Variants in RHOT1 observed in about 807,000 individuals in gnomAD.
RHOT1 encodes mitochondrial Rho GTPase 1.
In RHOT1, 27 loss-of-function variants were observed where a neutral mutation model predicts 95.3. That is an observed-to-expected ratio of 0.28 (90% CI 0.21 to 0.39). RHOT1 has a LOEUF of 0.39. Ranked by LOEUF, RHOT1 falls within the 10% of genes least tolerant of loss-of-function variation. The probability of loss-of-function intolerance (pLI) is 1.00; values close to 1 mark genes in which losing one functional copy is unlikely to be tolerated. For missense variants in RHOT1, 578 were observed against 786.7 expected, an observed-to-expected ratio of 0.73 and a Z score of 3.17; for synonymous variants, 227 against 263.5, an observed-to-expected ratio of 0.86 and a Z score of 1.34.
At position 32,158,562 on chromosome 17, in the gene RHOT1, C is replaced by T. The variant is rs1404082816; in HGVS notation, c.38-12481C>T. ...GCAACACCTGCCTCCCGCTTTCAAA[C>T]GATTCTCCTGCCGCAGCCTCCCTAG... On this transcript the variant is annotated intron_variant, in intron 1 of 19. Transcript: ENST00000545287. 5.3e-5 allele frequency among the ~76,000 whole-genome samples: 8 copies of T among 151,982 alleles called. No homozygotes were observed. In the South Asian group the frequency reaches 6.3e-4, roughly 12 times the overall value.
chr17:32,221,370 C>CAAAAAAA (rs397805349), intron 19 of RHOT1, among the ~76,000 whole-genome samples: 1 of 67,998 alleles, frequency 1.5e-5, no homozygotes, highest in Admixed American at 1.7e-4. Context: ...TCGTCTGTCT[C>CAAAAAAA]AAAAAAAAAA....
intron 19 of RHOT1, chr17:32,222,960 A>C: frequency 1.2e-6 from 1 of 834,482 alleles, no homozygotes; most frequent in Non-Finnish European, 1.4e-6. Flanking sequence ...AAACCTAAGC[A>C]TTTTCTTCTC....
chr17:32,150,291 A>AT (rs958701692), intron 1 of RHOT1: 25 of 239,834 alleles, frequency 1.0e-4, no homozygotes, highest in East Asian at 1.6e-4. Flanking sequence ...AAGATGTGCT[A>AT]TTTTTTTTCC....
At chr17:32,192,332 CTTTTTTTTTT>C (rs397857197) in intron 9 of RHOT1, 33 bp downstream of exon 9, 10 of 542,656 alleles carry the variant, frequency 1.8e-5, no homozygotes, top group East Asian at 1.1e-4. Context: ...ATTTGCGTAT[CTTTTTTTTTT>C]TTTTTTTTTT....
chr17:32,157,431 TC>T (rs546981216), intron 1 of RHOT1, among the ~76,000 whole-genome samples: 139 of 152,342 alleles, frequency 9.1e-4, no homozygotes, highest in Non-Finnish European at 1.8e-3. Flanking sequence ...AAATGTGACA[TC>T]AAGGAGGTTT....
chr17:32,183,349 A>G (rs2035787327), intron 8 of RHOT1, 77 bp downstream of exon 8: 2 of 776,248 alleles, frequency 2.6e-6, no homozygotes, highest in Non-Finnish European at 3.8e-6. Flanking sequence ...GTAACTCTTA[A>G]GTATTTGTGT....
At chr17:32,199,622 C>G (rs1298098694) in intron 13 of RHOT1, 72 bp downstream of exon 13, 3 of 1,303,362 alleles carry the variant, frequency 2.3e-6, no homozygotes, top group Non-Finnish European at 3.1e-6. Context: ...ACATTTGTCA[C>G]TTTGTAAGCT....
At chr17:32,223,245 A>C (rs2038938773) in intron 19 of RHOT1, among the ~76,000 whole-genome samples, 1 of 152,110 alleles carries the variant, frequency 6.6e-6, no homozygotes, top group Admixed American at 6.6e-5. Context: ...TTACTGAGGC[A>C]AAGTAGTTTT....
At chr17:32,165,895 T>C (rs1242440986) in intron 1 of RHOT1, among the ~76,000 whole-genome samples, 1 of 152,018 alleles carries the variant, frequency 6.6e-6, no homozygotes, top group African/African-American at 2.4e-5. Flanking sequence ...ATAAAAGTTA[T>C]GTTTATAGGC....
intron 8 of RHOT1, among the ~76,000 whole-genome samples, chr17:32,186,550 A>T (rs777002855): frequency 2.6e-5 from 4 of 151,966 alleles, no homozygotes; most frequent in Non-Finnish European, 5.9e-5. Flanking sequence ...TATTTTTAGT[A>T]GAGACGGGGT....
intron 19 of RHOT1, chr17:32,221,094 G>A (rs545137659): frequency 2.0e-5 from 20 of 977,384 alleles, no homozygotes; most frequent in South Asian, 1.4e-4. Context: ...GCGGCCAGGC[G>A]TGGTGGCTCA....
In RHOT1 at chr17:32,154,801, A is replaced by G. The variant is rs2032763778; in HGVS notation, c.37+12072A>G. 3.9e-5 allele frequency among the ~76,000 whole-genome samples: 6 copies of G among 151,990 alleles called. No individual in the cohort carries two copies. The South Asian group carries it at 1.3e-3, about 32-fold the overall frequency. ...TCCCAGCTACTCGGGAGGATGAGGA[A>G]GGATAATTGCTTGAACCCAGGAGGC... On this transcript the variant is annotated intron_variant, in intron 1 of 19. Transcript: ENST00000545287.
At chr17:32,169,153 A>G (rs1046864157) in intron 1 of RHOT1, among the ~76,000 whole-genome samples, 15 of 152,166 alleles carry the variant, frequency 9.9e-5, no homozygotes, top group African/African-American at 3.4e-4. Flanking sequence ...CCAGACATTC[A>G]TTATTTTCCC....
At chr17:32,166,204 AGTT>A (rs1567668356) in intron 1 of RHOT1, among the ~76,000 whole-genome samples, 1 of 151,754 alleles carries the variant, frequency 6.6e-6, no homozygotes, top group East Asian at 1.9e-4. Context: ...AAAAAAAAAA[AGTT>A]ATGTTCATAC....
At chr17:32,154,582 A>T (rs1325609478) in intron 1 of RHOT1, among the ~76,000 whole-genome samples, 2 of 131,318 alleles carry the variant, frequency 1.5e-5, no homozygotes, top group Non-Finnish European at 3.2e-5. Flanking sequence ...GCAAGGCTCC[A>T]TCTCAAAAAA....
intron 14 of RHOT1, among the ~76,000 whole-genome samples, chr17:32,202,071 C>T (rs1485166723): frequency 1.3e-5 from 2 of 152,086 alleles, no homozygotes; most frequent in Non-Finnish European, 2.9e-5. Flanking sequence ...ACCACCATGC[C>T]CAGCTAATTT....
intron 19 of RHOT1, among the ~76,000 whole-genome samples, chr17:32,214,607 T>C (rs2038338223): frequency 6.6e-6 from 1 of 152,156 alleles, no homozygotes; most frequent in African/African-American, 2.4e-5. Context: ...GAAAAAGTTA[T>C]TGGGTGGTGG....
chr17:32,195,076 C>T (rs1442905816), intron 11 of RHOT1, among the ~76,000 whole-genome samples: 2 of 151,786 alleles, frequency 1.3e-5, no homozygotes, highest in Non-Finnish European at 2.9e-5. Context: ...CCACCCGCCT[C>T]AGCCTCCCAA....
chr17:32,176,115 G>A lies in RHOT1; in HGVS notation c.277-46G>A, dbSNP rs768848719. 5.6e-6 allele frequency: 9 copies of A among 1,595,490 alleles called. No individual in the cohort carries two copies. In the East Asian group the frequency reaches 1.6e-4, roughly 28 times the overall value. On this transcript the variant is annotated intron_variant, in intron 5 of 19. Transcript: ENST00000545287. ...TAGGGGTCTAAGGGAAGAGTGTTTT[G>A]TAAAGATCCTTATCATGGCTAAGCG... is the stretch of plus-strand genomic sequence containing the variant.
Sources: allele counts gnomAD v4.1 joint callset (sites outside exome capture counted in the v4.1 genomes callset), GRCh38; gene constraint gnomAD v4.1.1; transcripts MANE v1.5; gene names NCBI Gene and HGNC (gene_info 2026-07-23, HGNC 2026-07-21).